Variants in PDE10A observed in about 807,000 individuals in gnomAD.
The protein encoded by PDE10A is cAMP and cAMP-inhibited cGMP 3',5'-cyclic phosphodiesterase 10A.
In PDE10A, 39 loss-of-function variants were observed where a neutral mutation model predicts 97.7. That is an observed-to-expected ratio of 0.40 (90% confidence interval 0.31 to 0.52). The LOEUF is 0.52. Ranked by LOEUF, PDE10A falls within the 20% of genes least tolerant of loss-of-function variation. The pLI is 0.56. For synonymous variants in PDE10A, 371 were observed against 376.8 expected (o/e 0.98, Z 0.18); for missense variants, 731 against 1,047.8 (o/e 0.70, Z 4.17).
intron 18 of PDE10A, among the ~76,000 whole-genome samples, chr6:165,364,692 T>C (rs1018016585): frequency 1.6e-4 from 24 of 152,192 alleles, no homozygotes; most frequent in African/African-American, 5.8e-4. Context: ...GCTTTAACAA[T>C]CATCTTTTCT....
intron 1 of PDE10A, among the ~76,000 whole-genome samples, chr6:165,906,023 C>CCCTCCCTCCCTCCCTCCCTT (rs1471686900): frequency 7.3e-5 from 1 of 13,700 alleles, no homozygotes; most frequent in African/African-American, 4.2e-4. Flanking sequence ...TTCCCTCCCT[C>CCCTCCCTCCCTCCCTCCCTT]CCTTCCTTCC....
chr6:165,903,602 G>A (rs1043267892), intron 1 of PDE10A, among the ~76,000 whole-genome samples: 1 of 152,196 alleles, frequency 6.6e-6, no homozygotes, highest in African/African-American at 2.4e-5. Context: ...CATAGATCCA[G>A]TAAACTGTTG....
intron 1 of PDE10A, among the ~76,000 whole-genome samples, chr6:165,706,790 T>G (rs180699957): frequency 6.6e-6 from 1 of 152,358 alleles, no homozygotes; most frequent in African/African-American, 2.4e-5. Flanking sequence ...AAAAGGCTTA[T>G]GAATAACAGA....
chr6:165,984,456 TAAAA>T (rs1226788742), intron 1 of PDE10A, among the ~76,000 whole-genome samples: 1 of 152,226 alleles, frequency 6.6e-6, no homozygotes, highest in African/African-American at 2.4e-5. Context: ...AAAATAGCAT[TAAAA>T]ATATTAAGGT....
At chr6:165,912,636 A>G (rs1180034662) in intron 1 of PDE10A, among the ~76,000 whole-genome samples, 1 of 152,178 alleles carries the variant, frequency 6.6e-6, no homozygotes, top group Non-Finnish European at 1.5e-5. Context: ...TATGGAGAAA[A>G]CAGATGTTAG....
At chr6:165,583,483 T>G (rs1010525562) in intron 1 of PDE10A, among the ~76,000 whole-genome samples, 4 of 152,170 alleles carry the variant, frequency 2.6e-5, no homozygotes, top group Non-Finnish European at 5.9e-5. Context: ...GAGGAGGAGT[T>G]TACCCTGTAT....
intron 1 of PDE10A, among the ~76,000 whole-genome samples, chr6:165,742,441 A>G (rs1226798123): frequency 1.3e-5 from 2 of 152,120 alleles, no homozygotes; most frequent in African/African-American, 4.8e-5. Context: ...CAAAGTATCC[A>G]TGAGTGGAGG....
At position 165,542,655 on chromosome 6, in the gene PDE10A, GT is replaced by G. The variant is rs1202402608; in HGVS notation, c.994+784del. Among the ~76,000 whole-genome samples the G allele has an allele frequency of 7.0e-5, 7 of 100,356 alleles. No individual in the cohort carries two copies. The East Asian group carries it at 3.1e-3, about 44-fold the overall frequency. 65.8% of individuals were successfully genotyped at this position (100,356 alleles called of 152,430 possible). A position where few individuals can be genotyped will look rare whatever the true frequency, so the allele number is the denominator to read the frequency against. On this transcript the variant is annotated intron_variant, in intron 2 of 21. Coordinates refer to ENST00000539869, the MANE Select transcript of PDE10A (RefSeq NM_001385079.1). ...TTTTTTTTTGAGACAGTCTTGCTCT[GT>G]TGCCCAGGCTGGAGTGCAGTGGCGC...
chr6:165,391,336 G>C (rs1280391893), intron 16 of PDE10A, among the ~76,000 whole-genome samples: 3 of 152,142 alleles, frequency 2.0e-5, no homozygotes, highest in South Asian at 2.1e-4. Flanking sequence ...ACTTAAATGA[G>C]AGTCAATATG....
chr6:165,650,442 C>T (rs983017191), intron 1 of PDE10A, among the ~76,000 whole-genome samples: 1 of 152,022 alleles, frequency 6.6e-6, no homozygotes, highest in Non-Finnish European at 1.5e-5. Flanking sequence ...AGTTTCTTTA[C>T]GCAATCACAA....
chr6:165,765,625 C>A (rs922952048), intron 1 of PDE10A, among the ~76,000 whole-genome samples: 1 of 152,204 alleles, frequency 6.6e-6, no homozygotes, highest in Non-Finnish European at 1.5e-5. Flanking sequence ...CCAGCTGGCC[C>A]GCAAGCGCCA....
At chr6:165,910,004 A>G (rs1782408429) in intron 1 of PDE10A, among the ~76,000 whole-genome samples, 1 of 152,148 alleles carries the variant, frequency 6.6e-6, no homozygotes, top group Non-Finnish European at 1.5e-5. Context: ...ATTTTTTAAA[A>G]TGGATATATC....
intron 1 of PDE10A, among the ~76,000 whole-genome samples, chr6:165,802,164 T>C (rs1487265809): frequency 6.6e-6 from 1 of 152,222 alleles, no homozygotes; most frequent in Non-Finnish European, 1.5e-5. Flanking sequence ...TCCCTGGCTT[T>C]GATAAACAGC....
At chr6:165,685,860 T>C (rs1187641330) in intron 1 of PDE10A, among the ~76,000 whole-genome samples, 1 of 152,214 alleles carries the variant, frequency 6.6e-6, no homozygotes, top group East Asian at 1.9e-4. Context: ...CATTTTGATA[T>C]ATAAAATTTA....
intron 1 of PDE10A, among the ~76,000 whole-genome samples, chr6:165,851,756 C>T (rs1394539666): frequency 6.6e-6 from 1 of 151,838 alleles, no homozygotes; most frequent in Non-Finnish European, 1.5e-5. Flanking sequence ...TCAGGGATGT[C>T]CTGGATGTAT....
chr6:165,552,604 T>C (rs1784071976), intron 1 of PDE10A, among the ~76,000 whole-genome samples: 1 of 152,214 alleles, frequency 6.6e-6, no homozygotes, highest in African/African-American at 2.4e-5. Context: ...AGACAAACAC[T>C]GTTAGACGTC....
At chr6:165,910,229 CAA>C (rs750407400) in intron 1 of PDE10A, among the ~76,000 whole-genome samples, 9 of 152,092 alleles carry the variant, frequency 5.9e-5, no homozygotes, top group Non-Finnish European at 1.0e-4. Context: ...AAGCAGGACT[CAA>C]GAGAGCGCTA....
At chr6:165,645,853 C>CAAAA (rs57923490) in intron 1 of PDE10A, among the ~76,000 whole-genome samples, 4 of 101,230 alleles carry the variant, frequency 4.0e-5, no homozygotes, top group African/African-American at 7.0e-5. Context: ...GACTCCATCT[C>CAAAA]AAAAAAAAAA....
intron 1 of PDE10A, among the ~76,000 whole-genome samples, chr6:165,975,709 G>A (rs1022442266): frequency 1.3e-5 from 2 of 152,234 alleles, no homozygotes; most frequent in Non-Finnish European, 1.5e-5. Flanking sequence ...GGCTATGCCT[G>A]TTCCTGAGAC....
Sources: gnomAD v4.1 joint callset for allele counts (sites outside exome capture counted in the v4.1 genomes callset) on GRCh38, gnomAD v4.1.1 for gene constraint, MANE v1.5 for transcripts, NCBI Gene and HGNC (gene_info 2026-07-23, HGNC 2026-07-21) for gene names.